Variants in SLC24A2 observed in about 807,000 individuals in gnomAD.
The protein encoded by SLC24A2 is solute carrier family 24 member 2.
A neutral mutation model predicts 62.0 loss-of-function variants in SLC24A2; 36 were observed. The observed-to-expected ratio is 0.58, with a 90% confidence interval of 0.44 to 0.77. The LOEUF (loss-of-function observed/expected upper bound fraction) is 0.77, where lower values mean the gene tolerates loss of function less well. Among genes scored for constraint, SLC24A2 ranks in the 30% least tolerant of loss-of-function variants. The pLI is 0.00. For synonymous variants in SLC24A2, 358 were observed against 294.0 expected, an observed-to-expected ratio of 1.22 and a Z score of -2.23; for missense variants, 846 against 817.9, an observed-to-expected ratio of 1.03 and a Z score of -0.42.
At chr9:19,860,716 C>T in the SLC24A2 span, among the ~76,000 whole-genome samples, 7 of 152,054 alleles carry the variant, frequency 4.6e-5, no homozygotes, top group Admixed American at 4.6e-4. Context: ...AGCACAGTCC[C>T]CGATGGGTGA....
chr9:19,930,672 T>A, the SLC24A2 span, among the ~76,000 whole-genome samples: 2 of 152,190 alleles, frequency 1.3e-5, no homozygotes, highest in Non-Finnish European at 2.9e-5. Context: ...CAGACATATT[T>A]ACTAAAGGTA....
chr9:19,833,044 C>T, the SLC24A2 span, among the ~76,000 whole-genome samples: 4 of 152,118 alleles, frequency 2.6e-5, no homozygotes, highest in Non-Finnish European at 5.9e-5. Flanking sequence ...CAATGAGATA[C>T]CATCTCACAC....
chr9:20,259,571 A>G, the SLC24A2 span, among the ~76,000 whole-genome samples: 1 of 152,122 alleles, frequency 6.6e-6, no homozygotes. Flanking sequence ...TTATATGCCT[A>G]CTGTTTGGGA....
At chr9:19,690,937 C>CAG (rs1414753675) in intron 2 of SLC24A2, among the ~76,000 whole-genome samples, 2 of 130,916 alleles carry the variant, frequency 1.5e-5, no homozygotes, top group African/African-American at 5.2e-5. Flanking sequence ...GAGAGAGAGA[C>CAG]AGAGAGAGAG....
the SLC24A2 span, among the ~76,000 whole-genome samples, chr9:19,897,185 C>T: frequency 2.1e-4 from 32 of 152,302 alleles, 1 homozygote; most frequent in African/African-American, 7.0e-4. Context: ...TGTGCCTTTC[C>T]GTGTGAGTAC....
intron 8 of SLC24A2, among the ~76,000 whole-genome samples, chr9:19,529,065 G>C (rs931743067): frequency 6.6e-6 from 1 of 152,140 alleles, no homozygotes; most frequent in African/African-American, 2.4e-5. Context: ...AAAAATTGGG[G>C]TCTTTTAAAA....
the SLC24A2 span, among the ~76,000 whole-genome samples, chr9:20,214,628 A>G: frequency 1.1e-5 from 1 of 92,598 alleles, no homozygotes; most frequent in South Asian, 2.6e-4. Flanking sequence ...AAAATAAAAA[A>G]TAAAAAAAAA....
At chr9:20,172,510 T>G in the SLC24A2 span, among the ~76,000 whole-genome samples, 1 of 151,900 alleles carries the variant, frequency 6.6e-6, no homozygotes, top group South Asian at 2.1e-4. Flanking sequence ...GAAATGAAAC[T>G]GGAGATATTA....
chr9:20,302,780 GTGT>G, the SLC24A2 span, among the ~76,000 whole-genome samples: 4 of 152,084 alleles, frequency 2.6e-5, no homozygotes, highest in African/African-American at 9.7e-5. Context: ...GCCTTTGGTG[GTGT>G]TGTCATTTAT....
chr9:19,815,590 T>C, the SLC24A2 span, among the ~76,000 whole-genome samples: 1 of 152,164 alleles, frequency 6.6e-6, no homozygotes, highest in Non-Finnish European at 1.5e-5. Flanking sequence ...CTCAGATGTA[T>C]GCCATGGAAC....
At chr9:20,141,607 C>G in the SLC24A2 span, among the ~76,000 whole-genome samples, 3 of 151,512 alleles carry the variant, frequency 2.0e-5, no homozygotes, top group Non-Finnish European at 2.9e-5. Context: ...GAAAGCCCTG[C>G]CTCATGATCT....
chr9:19,665,424 G>C (rs929359438), intron 2 of SLC24A2, among the ~76,000 whole-genome samples: 2 of 152,018 alleles, frequency 1.3e-5, no homozygotes, highest in Non-Finnish European at 2.9e-5. Flanking sequence ...TAACTGGGTG[G>C]GTGTTTATGC....
At chr9:19,906,257 T>C in the SLC24A2 span, among the ~76,000 whole-genome samples, 1 of 151,702 alleles carries the variant, frequency 6.6e-6, no homozygotes, top group African/African-American at 2.4e-5. Context: ...AAGGCAGAAA[T>C]AAAGATGTTC....
At chr9:20,166,047 A>C in the SLC24A2 span, among the ~76,000 whole-genome samples, 1 of 151,974 alleles carries the variant, frequency 6.6e-6, no homozygotes, top group Non-Finnish European at 1.5e-5. Context: ...AAAATTAAAC[A>C]TTATAAGATT....
the SLC24A2 span, among the ~76,000 whole-genome samples, chr9:19,890,982 G>A: frequency 6.6e-6 from 1 of 152,124 alleles, no homozygotes; most frequent in African/African-American, 2.4e-5. Flanking sequence ...TTTCTCCCAA[G>A]CCTACCTTCT....
chr9:20,194,246 A>G, the SLC24A2 span, among the ~76,000 whole-genome samples: 1 of 152,138 alleles, frequency 6.6e-6, no homozygotes, highest in Non-Finnish European at 1.5e-5. Flanking sequence ...ATTACCTATA[A>G]GTCTTAGACT....
chr9:19,623,026 G>A (rs1440559058), intron 2 of SLC24A2, among the ~76,000 whole-genome samples: 1 of 152,124 alleles, frequency 6.6e-6, no homozygotes, highest in East Asian at 1.9e-4. Context: ...TAGAACACAA[G>A]GGCACATAAA....
the SLC24A2 span, among the ~76,000 whole-genome samples, chr9:20,255,599 G>A: frequency 6.6e-6 from 1 of 151,694 alleles, no homozygotes; most frequent in Non-Finnish European, 1.5e-5. Context: ...GAGGGCCTCA[G>A]TTCCTTTCCA....
At chr9:19,642,549 A>T (rs574705664) in intron 2 of SLC24A2, among the ~76,000 whole-genome samples, 1 of 152,334 alleles carries the variant, frequency 6.6e-6, no homozygotes, top group East Asian at 1.9e-4. Flanking sequence ...TCACTAATGC[A>T]GAGGCCACTT....
Sources: allele counts gnomAD v4.1 joint callset (sites outside exome capture counted in the v4.1 genomes callset), GRCh38; gene constraint gnomAD v4.1.1; transcripts MANE v1.5; gene names NCBI Gene and HGNC (gene_info 2026-07-23, HGNC 2026-07-21).